MAF: variants seen among roughly 807,000 people sequenced by gnomAD.
MAF encodes the protein transcription factor Maf.
Under a neutral mutation model 22.0 loss-of-function variants are expected in MAF, and 10 were observed. The ratio of observed to expected loss-of-function variants is 0.45; its 90% CI spans 0.28 to 0.77. The LOEUF (loss-of-function observed/expected upper bound fraction) is 0.77. Among genes scored for constraint, MAF ranks in the 30% least tolerant of loss-of-function variants. MAF has a pLI of 0.12. For synonymous variants in MAF, 337 were observed against 255.8 expected (o/e 1.32, Z -3.03); for missense variants, 544 against 548.4 (o/e 0.99, Z 0.08).
chr16:79,580,002 C>T, the MAF span, among the ~76,000 whole-genome samples: 2 of 152,102 alleles, frequency 1.3e-5, no homozygotes, highest in African/African-American at 2.4e-5. Context: ...ACTAATATTA[C>T]CCCTCTCAAA....
intron 1 of MAF, chr16:79,597,369 T>C: frequency 9.6e-7 from 1 of 1,037,010 alleles, no homozygotes; most frequent in South Asian, 4.6e-5. Context: ...AAATATAAAA[T>C]AAAAATAAAA....
chr16:79,403,046 T>C, the MAF span, among the ~76,000 whole-genome samples: 2 of 152,132 alleles, frequency 1.3e-5, no homozygotes, highest in Non-Finnish European at 2.9e-5. Context: ...TCTCTCATAA[T>C]GGATTTCAGC....
At chr16:79,495,160 G>A in the MAF span, among the ~76,000 whole-genome samples, 1,236 of 152,214 alleles carry the variant, frequency 8.1e-3, 7 homozygotes, top group Non-Finnish European at 0.013. Flanking sequence ...GGTTATTGGT[G>A]ATAGAATAGC....
chr16:79,258,075 G>A, the MAF span, among the ~76,000 whole-genome samples: 1 of 152,182 alleles, frequency 6.6e-6, no homozygotes, highest in African/African-American at 2.4e-5. Flanking sequence ...TGCTTTGCGT[G>A]TTTAACCTCA....
At chr16:79,558,418 C>T in the MAF span, among the ~76,000 whole-genome samples, 29 of 152,332 alleles carry the variant, frequency 1.9e-4, no homozygotes, top group African/African-American at 6.7e-4. Context: ...TGGCTAATTA[C>T]ATTAATCAGA....
Position 79,599,041 on chromosome 16 carries a change from G to T in MAF, c.862C>A (p.Arg288=), listed in dbSNP as rs774933231. The T allele has an allele frequency of 1.2e-6, 2 of 1,612,960 alleles. No homozygotes were observed. Among genetic ancestry groups the T allele is most frequent in the South Asian group, 2.2e-5 (2 of 91,038 alleles). ...AGGGTCCGCCTCTTCTGCTTCAGCC[G>T]GATCACCTCCTCCTTGCTGACCCCG... ...LRGVSKEEVI[R]LKQKRRTLKN... The change falls in exon 1 of 2, where the codon CGG becomes AGG. Residue 288 remains arginine, a synonymous_variant. Coordinates refer to ENST00000326043, the MANE Select transcript of MAF (RefSeq NM_005360.5).
chr16:79,252,826 C>T, the MAF span, among the ~76,000 whole-genome samples: 1 of 152,056 alleles, frequency 6.6e-6, no homozygotes, highest in Admixed American at 6.6e-5. Flanking sequence ...TTACTATCTG[C>T]ACATTTGAGG....
At chr16:79,539,829 C>G in the MAF span, among the ~76,000 whole-genome samples, 1 of 152,204 alleles carries the variant, frequency 6.6e-6, no homozygotes, top group Non-Finnish European at 1.5e-5. Context: ...GTCAGACACT[C>G]TGAGGCATGT....
the MAF span, among the ~76,000 whole-genome samples, chr16:79,478,781 C>A: frequency 1.3e-5 from 2 of 151,666 alleles, no homozygotes; most frequent in Non-Finnish European, 2.9e-5. Context: ...CCCCAGCATA[C>A]CCGTATACCA....
chr16:79,512,536 G>A, the MAF span, among the ~76,000 whole-genome samples: 12 of 152,038 alleles, frequency 7.9e-5, no homozygotes, highest in Non-Finnish European at 1.5e-4. Context: ...GCTCCACCTG[G>A]ACCCCCAGCT....
the MAF span, among the ~76,000 whole-genome samples, chr16:79,376,192 G>C: frequency 2.0e-5 from 3 of 151,416 alleles, no homozygotes; most frequent in Non-Finnish European, 4.4e-5. Flanking sequence ...ATTTTAGTTT[G>C]ATTAGTTTAG....
chr16:79,262,877 T>C, the MAF span, among the ~76,000 whole-genome samples: 1 of 152,164 alleles, frequency 6.6e-6, no homozygotes, highest in Non-Finnish European at 1.5e-5. Context: ...AACCGTAGCA[T>C]TTTTTTGAAG....
At chr16:79,591,421 G>C (rs765026624), downstream of MAF, among the ~76,000 whole-genome samples, 1 of 152,070 alleles carries the variant, frequency 6.6e-6, no homozygotes, top group Non-Finnish European at 1.5e-5. Context: ...AAGATCTAAG[G>C]TGCATCTCTG....
the MAF span, among the ~76,000 whole-genome samples, chr16:79,551,353 G>A: frequency 1.3e-5 from 2 of 152,140 alleles, no homozygotes; most frequent in Non-Finnish European, 2.9e-5. Flanking sequence ...TCTCTGATAT[G>A]GAGTCTTTCA....
chr16:79,279,704 G>T, the MAF span, among the ~76,000 whole-genome samples: 1 of 152,158 alleles, frequency 6.6e-6, no homozygotes, highest in Admixed American at 6.5e-5. Context: ...ATGTTGCCTC[G>T]CGCAGGGGTT....
the MAF span, among the ~76,000 whole-genome samples, chr16:79,553,150 G>A: frequency 6.6e-6 from 1 of 152,216 alleles, no homozygotes; most frequent in South Asian, 2.1e-4. Flanking sequence ...CACACAGCAG[G>A]TGCACAAAAA....
chr16:79,326,715 G>A, the MAF span, among the ~76,000 whole-genome samples: 1 of 152,162 alleles, frequency 6.6e-6, no homozygotes, highest in Non-Finnish European at 1.5e-5. Context: ...GCAGGAGCAT[G>A]GCTGTGTTCC....
In MAF at chr16:79,599,321, G is replaced by T; in HGVS notation, c.582C>A (p.His194Gln). The change falls in exon 1 of 2, where the codon CAC (histidine) becomes CAA (glutamine). Residue 194 changes from histidine (H) to glutamine (Q), a missense_variant. Physicochemically the swap from His to Gln is conservative, Grantham distance 24. Around this residue, in one of 5 missense-constraint regions of MAF, gnomAD observed 342 missense variants for 315.5 expected, o/e 1.08. Coordinates refer to ENST00000326043, the MANE Select transcript of MAF (RefSeq NM_005360.5). ...CGGCGCCGGGCGCGCCGGCCGTCGG[G>T]TGGTGGTGGTGGCCGGCGGCGTGGT... ...HHHHAAGHHH[H>Q]PTAGAPGAAG... 1.0e-6 allele frequency: 1 copy of T among 984,686 alleles called. No homozygotes were observed. Among genetic ancestry groups the T allele is most frequent in the Non-Finnish European group, 1.2e-6 (1 of 830,904 alleles). 61.0% of individuals were successfully genotyped at this position (984,686 alleles called of 1,614,324 possible).
the MAF span, among the ~76,000 whole-genome samples, chr16:79,554,417 G>A: frequency 6.6e-6 from 1 of 152,198 alleles, no homozygotes; most frequent in Non-Finnish European, 1.5e-5. Flanking sequence ...CATCAGAGAT[G>A]CTGAGACAGA....
Sources: gnomAD v4.1 joint callset for allele counts (sites outside exome capture counted in the v4.1 genomes callset) on GRCh38, gnomAD v4.1.1 for gene constraint, gnomAD v4.1.1 regional missense constraint, MANE v1.5 for transcripts, NCBI Gene and HGNC (gene_info 2026-07-23, HGNC 2026-07-21) for gene names.